Variants in PCDH11Y observed in about 807,000 individuals in gnomAD.
The protein encoded by PCDH11Y is protocadherin 11 Y-linked.
For synonymous variants in PCDH11Y, 9 were observed against 83.6 expected (o/e 0.11, Z 4.87); for missense variants, 12 against 224.8 (o/e 0.05, Z 6.05).
At chrY:5,078,824 CA>C (rs2052713975) in intron 1 of PCDH11Y, among the ~76,000 whole-genome samples, 1 of 33,131 alleles carries the variant, frequency 3.0e-5, no homozygotes, top group Non-Finnish European at 7.4e-5. Flanking sequence ...CTCATGTCAT[CA>C]CATTTTAAAG....
intron 3 of PCDH11Y, among the ~76,000 whole-genome samples, chrY:5,553,613 T>C: frequency 3.3e-5 from 1 of 30,644 alleles, no homozygotes. Context: ...TGGTGGGAGG[T>C]AATTGAATCA....
chrY:5,540,971 G>A (rs2053405836), intron 3 of PCDH11Y, among the ~76,000 whole-genome samples: 1 of 35,962 alleles, frequency 2.8e-5, no homozygotes, highest in African/African-American at 1.1e-4. Context: ...ATTATGTATG[G>A]CATATGTCCA....
rs201175352 is a variant in PCDH11Y at position 5,398,366 on chromosome Y, A to G, written c.3130-102691A>G. 1.7e-3 allele frequency among the ~76,000 whole-genome samples: 54 copies of G among 30,882 alleles called. No individual in the cohort carries two copies. The East Asian group carries it at 0.042, about 24-fold the overall frequency. 82.9% of individuals were successfully genotyped at this position (30,882 alleles called of 37,273 possible). On this transcript the variant is annotated intron_variant, in intron 2 of 4. Transcript: ENST00000400457. ...ACCTGTGAATTCTATTTAGAGTTCT[A>G]TTGATACTCAATGTAGCCAATCACT...
chrY:5,326,762 G>A, intron 2 of PCDH11Y, among the ~76,000 whole-genome samples: 4 of 32,807 alleles, frequency 1.2e-4, no homozygotes, highest in African/African-American at 4.8e-4. Context: ...AAGTATATGC[G>A]TCAGGTATGA....
In PCDH11Y at chrY:5,198,527, T is replaced by C. The variant is rs1366223777; in HGVS notation, c.3129+97820T>C. Among the ~76,000 whole-genome samples, 4 of 32,672 alleles carry C rather than the reference T, an allele frequency of 1.2e-4. No homozygotes were observed. In the East Asian group the frequency reaches 3.2e-3, roughly 26 times the overall value. 87.7% of individuals were successfully genotyped at this position (32,672 alleles called of 37,273 possible). A position where few individuals can be genotyped will look rare whatever the true frequency, so the allele number is the denominator to read the frequency against. ...TAACAGGCATTTTGCAAAACCTTTA[T>C]ATTGGGTTTATTTCACATTTGTATC... On this transcript the variant is annotated intron_variant, in intron 2 of 4. Transcript: ENST00000400457.
downstream of PCDH11Y, among the ~76,000 whole-genome samples, chrY:5,108,623 T>G (rs2052798703): frequency 1.7e-4 from 5 of 29,586 alleles, no homozygotes; most frequent in African/African-American, 6.6e-4. Context: ...GGCGGGCGCC[T>G]GTAGTCCCAG....
intron 2 of PCDH11Y, among the ~76,000 whole-genome samples, chrY:5,463,664 A>G: frequency 3.3e-5 from 1 of 30,480 alleles, no homozygotes; most frequent in Non-Finnish European, 7.9e-5. Context: ...ATGTTCTACA[A>G]GTCCCGCTAC....
At chrY:5,236,632 CCTTTGTA>C (rs2052975666) in intron 2 of PCDH11Y, among the ~76,000 whole-genome samples, 1 of 32,007 alleles carries the variant, frequency 3.1e-5, no homozygotes. Flanking sequence ...TAGCATATAT[CCTTTGTA>C]CTTTAAAAAC....
At chrY:5,322,402 T>A in intron 2 of PCDH11Y, among the ~76,000 whole-genome samples, 1 of 32,730 alleles carries the variant, frequency 3.1e-5, no homozygotes, top group African/African-American at 1.2e-4. Flanking sequence ...TCTACACACC[T>A]TCTCCTGTAT....
chrY:5,108,476 G>T (rs1276945361), downstream of PCDH11Y, among the ~76,000 whole-genome samples: 306 of 32,985 alleles, frequency 9.3e-3, no homozygotes, highest in Non-Finnish European at 0.019. Context: ...GGCCGGGCGT[G>T]GTGGCTTATG....
At chrY:5,641,445 G>A in intron 4 of PCDH11Y, among the ~76,000 whole-genome samples, 1 of 32,575 alleles carries the variant, frequency 3.1e-5, no homozygotes, top group South Asian at 7.0e-4. Context: ...ACTTGAACAC[G>A]TAAGATGCCA....
chrY:5,508,186 C>A (rs2053360827), intron 3 of PCDH11Y, among the ~76,000 whole-genome samples: 3 of 33,313 alleles, frequency 9.0e-5, no homozygotes, highest in African/African-American at 3.5e-4. Flanking sequence ...CAATAACTTG[C>A]AACTCTCATG....
At chrY:5,060,956 G>A in intron 1 of PCDH11Y, among the ~76,000 whole-genome samples, 3 of 30,558 alleles carry the variant, frequency 9.8e-5, no homozygotes, top group Non-Finnish European at 2.3e-4. Flanking sequence ...GCAGTGAGCC[G>A]AGATTGCGCC....
At chrY:5,730,570 T>C in intron 4 of PCDH11Y, among the ~76,000 whole-genome samples, 1 of 33,151 alleles carries the variant, frequency 3.0e-5, no homozygotes, top group Non-Finnish European at 7.5e-5. Context: ...GTTATCATCT[T>C]CTTTTCCTAA....
At chrY:5,117,124 A>G in intron 2 of PCDH11Y, among the ~76,000 whole-genome samples, 1 of 32,488 alleles carries the variant, frequency 3.1e-5, no homozygotes, top group Non-Finnish European at 7.6e-5. Flanking sequence ...TGACTCATAT[A>G]ATTTCTGTTA....
chrY:5,538,279 A>G, intron 3 of PCDH11Y, among the ~76,000 whole-genome samples: 1 of 33,787 alleles, frequency 3.0e-5, no homozygotes, highest in Non-Finnish European at 7.4e-5. Flanking sequence ...GGACAACTTG[A>G]TTGCTATTGG....
intron 2 of PCDH11Y, among the ~76,000 whole-genome samples, chrY:5,199,779 A>C: frequency 3.0e-5 from 1 of 33,444 alleles, no homozygotes; most frequent in African/African-American, 1.2e-4. Flanking sequence ...TGATACCTTA[A>C]TAGACCAAAA....
At chrY:5,033,077 T>TAAAGGCCCCTCTGGATCGTGC in intron 3 of PCDH11Y, among the ~76,000 whole-genome samples, 2 of 31,455 alleles carry the variant, frequency 6.4e-5, no homozygotes, top group Middle Eastern at 0.029. Context: ...AATGAAGTTG[T>TAAAGGCCCCTCTGGATCGTGC]AAAGGCCCCT....
intron 3 of PCDH11Y, among the ~76,000 whole-genome samples, chrY:5,035,651 A>T: frequency 6.1e-5 from 2 of 32,720 alleles, no homozygotes; most frequent in Admixed American, 2.9e-4. Context: ...ATTAATTAAG[A>T]TCTTCTAATA....
Sources: gnomAD v4.1 joint callset for allele counts (sites outside exome capture counted in the v4.1 genomes callset) on GRCh38, gnomAD v4.1.1 for gene constraint, MANE v1.5 for transcripts, NCBI Gene and HGNC (gene_info 2026-07-23, HGNC 2026-07-21) for gene names.